Variants in RAB44 observed in about 807,000 individuals in gnomAD.
RAB44 encodes the protein ras-related protein Rab-44.
Under a neutral mutation model 93.3 loss-of-function variants are expected in RAB44, and 67 were observed. That is an observed-to-expected ratio of 0.72 (90% CI 0.59 to 0.88). The LOEUF is 0.88. Among genes scored for constraint, RAB44 ranks in the 40% least tolerant of loss-of-function variants. The probability of loss-of-function intolerance (pLI) is 0.00; values close to 1 mark genes in which losing one functional copy is unlikely to be tolerated. For missense variants in RAB44, 1,064 were observed against 1,261.7 expected (o/e 0.84, Z 2.37); for synonymous variants, 427 against 520.3 (o/e 0.82, Z 2.44).
intron 12 of RAB44, 71 bp downstream of exon 12, chr6:36,728,872 G>T: frequency 1.6e-6 from 2 of 1,244,064 alleles, no homozygotes; most frequent in Non-Finnish European, 2.3e-6. Context: ...GTGGTGGATA[G>T]GCATCACCTG....
intron 2 of RAB44, among the ~76,000 whole-genome samples, chr6:36,707,184 G>A (rs1762670391): frequency 6.6e-6 from 1 of 151,940 alleles, no homozygotes; most frequent in South Asian, 2.1e-4. Flanking sequence ...GCCAGGCGTG[G>A]TGGCTATTTT....
In RAB44 at chr6:36,732,230, G is replaced by A; in HGVS notation, c.*137G>A. On this transcript the variant is annotated 3_prime_UTR_variant, in exon 14 of 14. Coordinates refer to ENST00000612677, the MANE Select transcript of RAB44 (RefSeq NM_001257357.2). ...AAAACCCTTCTCAACTCAGGACTCGGATCCCAGAGCAGGGCCGCATCACCT... is the reference window on the plus strand; with the variant it reads ...AAAACCCTTCTCAACTCAGGACTCGAATCCCAGAGCAGGGCCGCATCACCT... 4.3e-6 allele frequency: 2 copies of A among 462,276 alleles called. No individual in the cohort carries two copies. Among genetic ancestry groups the A allele is most frequent in the Non-Finnish European group, 7.0e-6 (2 of 285,428 alleles). 28.6% of individuals were successfully genotyped at this position (462,276 alleles called of 1,614,324 possible). A position where few individuals can be genotyped will look rare whatever the true frequency, so the allele number is the denominator to read the frequency against.
In RAB44 at chr6:36,722,745, G is replaced by A; in HGVS notation, c.2599+12G>A. ...GACAGCTACCGTGGGTAAGGGCATT[G>A]GGGAGGGCGGCAGGGAGCAAGGAGA... is the stretch of plus-strand genomic sequence containing the variant. On this transcript the variant is annotated intron_variant, in intron 9 of 13. Transcript: ENST00000612677. 6.4e-7 allele frequency: 1 copy of A among 1,550,522 alleles called. No homozygotes were observed. The highest frequency in any genetic ancestry group is 8.7e-7 in the Non-Finnish European group (1 of 1,146,982).
chr6:36,700,130 G>T (rs948039244), intron 1 of RAB44, among the ~76,000 whole-genome samples: 1 of 152,168 alleles, frequency 6.6e-6, no homozygotes, highest in Non-Finnish European at 1.5e-5. Context: ...AAAGGGAGGT[G>T]GGCCATGCTG....
chr6:36,699,209 G>A (rs1328434774), intron 1 of RAB44, among the ~76,000 whole-genome samples: 4 of 152,094 alleles, frequency 2.6e-5, no homozygotes, highest in Admixed American at 2.6e-4. Flanking sequence ...TGGGGCAGGC[G>A]AGGTGTCTGG....
rs139380055 is a variant in RAB44, at chr6:36,717,132, T to C, written c.495-141T>C. The C allele has an allele frequency of 4.1e-5, 31 of 754,890 alleles. No individual in the cohort carries two copies. The African/African-American group carries it at 5.2e-4, about 13-fold the overall frequency. The allele number at this position is 754,890 out of a possible 1,614,324, so 46.8% of individuals were successfully genotyped here. A position where few individuals can be genotyped will look rare whatever the true frequency, so the allele number is the denominator to read the frequency against. Reference sequence around the variant, plus strand: ...GAGGAGGTGGCGTTTTAGTTGCATCTTGTAGGGTGTCAATAGATTTGGCCC... The same window carrying C: ...GAGGAGGTGGCGTTTTAGTTGCATCCTGTAGGGTGTCAATAGATTTGGCCC... On this transcript the variant is annotated intron_variant, in intron 4 of 13. Coordinates refer to ENST00000612677, the MANE Select transcript of RAB44 (RefSeq NM_001257357.2). This position sits in a 1 kb window ranked among gnomAD's most constrained non-coding sequence, Gnocchi z 4.1.
chr6:36,716,625 G>A (rs1365218698), intron 4 of RAB44, among the ~76,000 whole-genome samples: 4 of 152,142 alleles, frequency 2.6e-5, no homozygotes, highest in Non-Finnish European at 5.9e-5. Flanking sequence ...GTGAGGACAA[G>A]ATTCCTCACG....
At chr6:36,715,168 A>T (rs1364750200) in intron 3 of RAB44, among the ~76,000 whole-genome samples, 1 of 151,584 alleles carries the variant, frequency 6.6e-6, no homozygotes, top group Non-Finnish European at 1.5e-5. Flanking sequence ...GATTTTGGTT[A>T]ATTTTGTCAT....
chr6:36,711,959 A>T (rs1171586241), intron 2 of RAB44, among the ~76,000 whole-genome samples: 1 of 152,098 alleles, frequency 6.6e-6, no homozygotes, highest in Non-Finnish European at 1.5e-5. Context: ...ATACACAGAC[A>T]CACAGAGAAT....
rs746873529 is a variant in RAB44, at chr6:36,713,812, T to TAG, written c.208-16_208-15insAG. The TAG allele has an allele frequency of 3.8e-5, 58 of 1,508,954 alleles. No homozygotes were observed. In the South Asian group the frequency reaches 6.5e-4, roughly 17 times the overall value. The allele number at this position is 1,508,954 out of a possible 1,614,324, so 93.5% of individuals were successfully genotyped here. A position where few individuals can be genotyped will look rare whatever the true frequency, so the allele number is the denominator to read the frequency against. ...CCCCGGTGGGAACACCTGCCCAACT[T>TAG]GCCCATTCCTTCCAGGTGGCCAAGT... On this transcript the variant is annotated splice_polypyrimidine_tract_variant and intron_variant, in intron 2 of 13. Coordinates refer to ENST00000612677, the MANE Select transcript of RAB44 (RefSeq NM_001257357.2).
rs1000743433 is a variant in RAB44, at chr6:36,715,504, C to T, written c.345C>T (p.Ser115=). The T allele has an allele frequency of 2.0e-6, 3 of 1,536,020 alleles. No homozygotes were observed. Among genetic ancestry groups the T allele is most frequent in the Admixed American group, 2.0e-5 (1 of 50,982 alleles). ...GLKNIFGSSQ[S]PHRLRRRKPL... Reference sequence around the variant, plus strand: ...AAAACATCTTTGGCTCCAGCCAGAGCCCCCACAGGCTCCGCAGAAGGAAGC... The same window carrying T: ...AAAACATCTTTGGCTCCAGCCAGAGTCCCCACAGGCTCCGCAGAAGGAAGC... Residue 115 remains serine, a synonymous_variant, in exon 4 of 14, where the codon AGC becomes AGT. Coordinates refer to ENST00000612677, the MANE Select transcript of RAB44 (RefSeq NM_001257357.2).
At chr6:36,728,610 C>CG in intron 11 of RAB44, 90 bp from the exon 12 acceptor site, 1 of 1,003,392 alleles carries the variant, frequency 1.0e-6, no homozygotes, top group Non-Finnish European at 1.5e-6. Context: ...GGGGAACATG[C>CG]GGGGGACACA....
chr6:36,703,401 G>A (rs74648178), intron 1 of RAB44, among the ~76,000 whole-genome samples: 10,016 of 152,202 alleles, frequency 0.066, 848 homozygotes, highest in African/African-American at 0.2. Flanking sequence ...GAATGCAGGG[G>A]TGACTGCAGG....
chr6:36,718,448 C>A, intron 6 of RAB44, 45 bp from the exon 7 acceptor site: 1 of 1,048,870 alleles, frequency 9.5e-7, no homozygotes, highest in South Asian at 4.8e-5. Context: ...GCCTGGCTAG[C>A]TCTTAGAGTC....
chr6:36,702,335 AGAG>A (rs747592088), intron 1 of RAB44, among the ~76,000 whole-genome samples: 881 of 48,998 alleles, frequency 0.018, 9 homozygotes, highest in South Asian at 0.066. Context: ...AGAGAGAGAG[AGAG>A]AATGTACTTC....
In RAB44 at chr6:36,720,441, C is replaced by T. The variant is rs750299026; in HGVS notation, c.907C>T (p.Arg303Cys). The T allele has an allele frequency of 3.8e-5, 47 of 1,232,766 alleles. No homozygotes were observed. The highest frequency in any genetic ancestry group is 4.5e-5 in the Non-Finnish European group (44 of 988,374). The allele number at this position is 1,232,766 out of a possible 1,614,324, so 76.4% of individuals were successfully genotyped here. Residue 303 changes from arginine to cysteine, a missense_variant, in exon 8 of 14, where the codon CGT (arginine) becomes TGT (cysteine). Arg to Cys is a radical substitution (Grantham distance 180). Coordinates refer to ENST00000612677, the MANE Select transcript of RAB44 (RefSeq NM_001257357.2). ...SENQQLQEAK[R>C]DLAGRLEEVR... ...GAACCAGCAGCTGCAGGAGGCCAAG[C>T]GTGACCTGGCTGGGCGGCTGGAGGA...
intron 12 of RAB44, among the ~76,000 whole-genome samples, chr6:36,729,005 G>A (rs1305664047): frequency 1.3e-5 from 2 of 152,176 alleles, no homozygotes; most frequent in East Asian, 1.9e-4. Flanking sequence ...CTGGAGATGC[G>A]CTTTAAGCCC....
At chr6:36,707,871 G>T (rs1762687274) in intron 2 of RAB44, among the ~76,000 whole-genome samples, 1 of 152,138 alleles carries the variant, frequency 6.6e-6, no homozygotes, top group African/African-American at 2.4e-5. Flanking sequence ...GAGGACAGTG[G>T]AATTCTCTCC....
intron 7 of RAB44, among the ~76,000 whole-genome samples, chr6:36,718,947 C>G (rs1762996563): frequency 6.6e-6 from 1 of 151,862 alleles, no homozygotes; most frequent in Non-Finnish European, 1.5e-5. Context: ...TGCTGTCACC[C>G]AGGCTGGAGT....
Sources: gnomAD v4.1 joint callset for allele counts (sites outside exome capture counted in the v4.1 genomes callset) on GRCh38, gnomAD v4.1.1 for gene constraint, Gnocchi (gnomAD v3.1) non-coding constraint, MANE v1.5 for transcripts, NCBI Gene and HGNC (gene_info 2026-07-23, HGNC 2026-07-21) for gene names.